The following PDXDC1 variants were observed in gnomAD, a reference collection of about 807,000 sequenced individuals.
PDXDC1 encodes pyridoxal dependent decarboxylase domain containing 1.
PDXDC1 carries 42 observed loss-of-function variants against 100.1 expected under a neutral mutation model. The ratio of observed to expected loss-of-function variants is 0.42; its 90% confidence interval spans 0.33 to 0.54. The LOEUF (loss-of-function observed/expected upper bound fraction) is 0.54, where lower values mean the gene tolerates loss of function less well. Ranked by LOEUF, PDXDC1 falls within the 20% of genes least tolerant of loss-of-function variation. The probability of loss-of-function intolerance (pLI) is 0.10; values close to 1 mark genes in which losing one functional copy is unlikely to be tolerated. For synonymous variants in PDXDC1, 260 were observed against 371.7 expected (o/e 0.70, Z 3.46); for missense variants, 636 against 979.2 (o/e 0.65, Z 4.68).
chr16:15,099,907 T>C (rs1449657563), intron 16 of PDXDC1, among the ~76,000 whole-genome samples: 2 of 152,242 alleles, frequency 1.3e-5, no homozygotes, highest in Non-Finnish European at 2.9e-5. Flanking sequence ...AGTAGTTCTG[T>C]TGGCCAAAGC....
Position 15,111,124 on chromosome 16 carries a change from TCACACACACA to T in PDXDC1, c.1400-27732_1400-27723del, listed in dbSNP as rs200365846. 4.8e-3 allele frequency among the ~76,000 whole-genome samples: 674 copies of T among 139,118 alleles called. 27 individuals carry two copies. The highest frequency in any genetic ancestry group is 0.015 in the Middle Eastern group (4 of 266). The allele number at this position is 139,118 out of a possible 152,430, so 91.3% of individuals were successfully genotyped here. ...GCCTGAGCGACAGAATGAGACTCTG[TCACACACACA>T]CACACACACACACACACACACAAAA... On this transcript the variant is annotated intron_variant, in intron 16 of 16. Coordinates refer to the PDXDC1 transcript ENST00000535621.
In PDXDC1 at chr16:15,037,887, CATTTGATGAAAGTCATTTGAA is replaced by C; in HGVS notation, c.*1614_*1634del. On this transcript the variant is annotated 3_prime_UTR_variant, in exon 23 of 23. Transcript: ENST00000396410. ...CAAAATAAGGTTTTATTTTGAAAGT[CATTTGATGAAAGTCATTTGAA>C]AGACACTGAGGAGGGAAGGAGGCCT... is the stretch of plus-strand genomic sequence containing the variant. 1.8e-6 allele frequency: 1 copy of C among 563,820 alleles called. No homozygotes were observed. The highest frequency in any genetic ancestry group is 1.9e-5 in the African/African-American group (1 of 53,142). The allele number at this position is 563,820 out of a possible 1,614,324, so 34.9% of individuals were successfully genotyped here. A position where few individuals can be genotyped will look rare whatever the true frequency, so the allele number is the denominator to read the frequency against.
intron 16 of PDXDC1, chr16:15,068,120 A>T: frequency 6.7e-7 from 1 of 1,491,930 alleles, no homozygotes; most frequent in Non-Finnish European, 9.0e-7. Context: ...GATAAACATA[A>T]ATAAAAATAT....
intron 1 of PDXDC1, chr16:14,990,050 C>T (rs1425550617): frequency 3.2e-5 from 47 of 1,488,466 alleles, no homozygotes; most frequent in South Asian, 5.0e-5. Flanking sequence ...GCGCGCCGGA[C>T]CCCCCAAACC....
chr16:15,052,710 T>C (rs1235035691), intron 16 of PDXDC1, among the ~76,000 whole-genome samples: 1 of 151,900 alleles, frequency 6.6e-6, no homozygotes, highest in Non-Finnish European at 1.5e-5. Context: ...GGCAGATGTC[T>C]GATACTCAGG....
At chr16:15,003,411 T>C (rs1415917819) in intron 4 of PDXDC1, among the ~76,000 whole-genome samples, 3 of 152,254 alleles carry the variant, frequency 2.0e-5, no homozygotes, top group African/African-American at 7.2e-5. Flanking sequence ...AGAGATGGGG[T>C]TTCACCATGT....
chr16:14,989,231 C>T (rs1970125782), intron 1 of PDXDC1: 5 of 1,614,200 alleles, frequency 3.1e-6, no homozygotes, highest in East Asian at 2.2e-5. Context: ...AGTCCTGCAG[C>T]GCCTTGAGCT....
intron 16 of PDXDC1, among the ~76,000 whole-genome samples, chr16:15,068,739 A>T (rs2045091403): frequency 6.6e-6 from 1 of 152,204 alleles, no homozygotes; most frequent in African/African-American, 2.4e-5. Flanking sequence ...TTTTTTCTAA[A>T]CAAGAAAACT....
At chr16:15,090,904 T>C (rs1253603961) in intron 16 of PDXDC1, among the ~76,000 whole-genome samples, 8 of 151,838 alleles carry the variant, frequency 5.3e-5, no homozygotes, top group African/African-American at 1.9e-4. Flanking sequence ...TGTTTTAGCT[T>C]TAAAGAGACA....
At chr16:15,034,941 A>T (rs1366978140) in intron 21 of PDXDC1, among the ~76,000 whole-genome samples, 1 of 152,198 alleles carries the variant, frequency 6.6e-6, no homozygotes, top group African/African-American at 2.4e-5. Context: ...AGACTGAAGC[A>T]TGGAGTGCTG....
chr16:15,130,889 T>C, intron 16 of PDXDC1: 3 of 726,392 alleles, frequency 4.1e-6, no homozygotes, highest in Non-Finnish European at 2.4e-6. Flanking sequence ...GCCACGGGCC[T>C]GAAAGGCCAT....
chr16:15,012,414 A>G (rs1468770115), intron 8 of PDXDC1, among the ~76,000 whole-genome samples: 2 of 152,280 alleles, frequency 1.3e-5, no homozygotes, highest in African/African-American at 4.8e-5. Flanking sequence ...CCACAATACA[A>G]TTTTTTAAAT....
chr16:14,998,105 A>G (rs983791493), intron 2 of PDXDC1, among the ~76,000 whole-genome samples: 1 of 152,286 alleles, frequency 6.6e-6, no homozygotes, highest in Non-Finnish European at 1.5e-5. Context: ...TATTCAGGTC[A>G]TATAGAGCAC....
intron 15 of PDXDC1, chr16:15,029,339 T>C (rs1420380789): frequency 1.9e-6 from 1 of 533,042 alleles, no homozygotes; most frequent in Non-Finnish European, 3.3e-6. Context: ...GGCCTGCACT[T>C]TGATAGCGTT....
At chr16:15,080,201 A>G (rs2045640820) in intron 16 of PDXDC1, 2 of 1,416,498 alleles carry the variant, frequency 1.4e-6, no homozygotes. Context: ...AATATTTAAA[A>G]AGAAAAAAAC....
intron 16 of PDXDC1, among the ~76,000 whole-genome samples, chr16:15,080,399 T>C (rs538924293): frequency 2.0e-4 from 30 of 152,310 alleles, no homozygotes; most frequent in African/African-American, 6.7e-4. Flanking sequence ...TTTTAATATA[T>C]TCAGTTATGA....
chr16:15,044,202 G>GT (rs796381111), intron 16 of PDXDC1: 1 of 644,196 alleles, frequency 1.6e-6, no homozygotes, highest in African/African-American at 1.8e-5. Flanking sequence ...AAGCTGGGCA[G>GT]TCTGTTTCTC....
intron 16 of PDXDC1, among the ~76,000 whole-genome samples, chr16:15,103,660 C>T (rs71388761): frequency 0.058 from 7,219 of 123,802 alleles, 64 homozygotes; most frequent in Non-Finnish European, 0.068. Flanking sequence ...TGCACCATCA[C>T]GCCCAGCTAA....
chr16:15,088,834 G>T (rs575970689), intron 16 of PDXDC1, among the ~76,000 whole-genome samples: 4 of 152,134 alleles, frequency 2.6e-5, no homozygotes, highest in African/African-American at 9.7e-5. Flanking sequence ...TTGTAAACCA[G>T]ATCTGTAACT....
Sources: allele counts gnomAD v4.1 joint callset (sites outside exome capture counted in the v4.1 genomes callset), GRCh38; gene constraint gnomAD v4.1.1; transcripts MANE v1.5; gene names NCBI Gene and HGNC (gene_info 2026-07-23, HGNC 2026-07-21).